TMEM67: variants seen among roughly 807,000 people sequenced by gnomAD.
The protein encoded by TMEM67 is meckelin.
In TMEM67, 124 loss-of-function variants were observed where a neutral mutation model predicts 136.6. The ratio of observed to expected loss-of-function variants is 0.91; its 90% CI spans 0.78 to 1.05. The LOEUF (loss-of-function observed/expected upper bound fraction) is 1.05, where lower values mean the gene tolerates loss of function less well. Ranked by LOEUF, TMEM67 falls within the 50% of genes least tolerant of loss-of-function variation. TMEM67 has a pLI of 0.00. For missense variants in TMEM67, 1,107 were observed against 1,178.4 expected (o/e 0.94, Z 0.89); for synonymous variants, 364 against 390.5 (o/e 0.93, Z 0.80).
the TMEM67 span, among the ~76,000 whole-genome samples, chr8:93,826,408 A>G: frequency 6.6e-6 from 1 of 152,004 alleles, no homozygotes; most frequent in African/African-American, 2.4e-5. Flanking sequence ...GGATTAGTTA[A>G]TCAGGCCTTG....
chr8:93,774,720 G>A (rs1333461401), intron 7 of TMEM67, among the ~76,000 whole-genome samples: 1 of 152,136 alleles, frequency 6.6e-6, no homozygotes, highest in African/African-American at 2.4e-5. Flanking sequence ...AGTATTCCAT[G>A]GTGTATAATA....
intron 3 of TMEM67, among the ~76,000 whole-genome samples, chr8:93,761,397 C>T (rs558744095): frequency 6.6e-6 from 1 of 152,328 alleles, no homozygotes; most frequent in South Asian, 2.1e-4. Context: ...TAAGTTGGTG[C>T]AACCTCTGTG....
chr8:93,819,298 C>T (rs896269002), downstream of TMEM67: 31 of 406,976 alleles, frequency 7.6e-5, no homozygotes, highest in Admixed American at 9.8e-5. Flanking sequence ...TCCTCAGCCA[C>T]CCCCAGCTCT....
chr8:93,760,091 C>T lies in TMEM67; in HGVS notation c.406+1515C>T, dbSNP rs528997550. ...TAAATATTAGAAAGATGCAACTCTTCTACCAGTCTGTATATTTTAAAGGAC... is the reference window on the plus strand; with the variant it reads ...TAAATATTAGAAAGATGCAACTCTTTTACCAGTCTGTATATTTTAAAGGAC... On this transcript the variant is annotated intron_variant, in intron 3 of 27. Coordinates refer to ENST00000453321, the MANE Select transcript of TMEM67 (RefSeq NM_153704.6). The T allele has an allele frequency of 4.8e-4, 398 of 827,152 alleles. 1 individual carries two copies. The African/African-American group carries it at 6.7e-3, about 14-fold the overall frequency. The allele number at this position is 827,152 out of a possible 1,614,324, so 51.2% of individuals were successfully genotyped here.
chr8:93,785,505 CAG>C, intron 12 of TMEM67, 127 bp downstream of exon 12: 1 of 907,660 alleles, frequency 1.1e-6, no homozygotes, highest in Non-Finnish European at 1.7e-6. Context: ...TGGTTCTATA[CAG>C]TGTGCCAAAA....
intron 21 of TMEM67, among the ~76,000 whole-genome samples, chr8:93,803,350 T>C (rs1160703260): frequency 6.6e-6 from 1 of 152,180 alleles, no homozygotes; most frequent in Non-Finnish European, 1.5e-5. Context: ...GTGTTTGTCA[T>C]AGCTTGTTTT....
chr8:93,826,408 A>T, the TMEM67 span, among the ~76,000 whole-genome samples: 23 of 152,004 alleles, frequency 1.5e-4, no homozygotes, highest in Non-Finnish European at 3.2e-4. Context: ...GGATTAGTTA[A>T]TCAGGCCTTG....
At chr8:93,760,658 T>C (rs1253215169) in intron 3 of TMEM67, among the ~76,000 whole-genome samples, 1 of 146,642 alleles carries the variant, frequency 6.8e-6, no homozygotes, top group South Asian at 2.1e-4. Flanking sequence ...CTGGGCAATA[T>C]AGAGAGACTC....
At chr8:93,816,164 T>C (rs569338282) in intron 27 of TMEM67, among the ~76,000 whole-genome samples, 2 of 152,344 alleles carry the variant, frequency 1.3e-5, no homozygotes, top group South Asian at 2.1e-4. Flanking sequence ...TATTAATTCA[T>C]AAGAATTTAC....
rs115640152 is a variant in TMEM67 at position 93,758,539 on chromosome 8, C to T, written c.369C>T (p.Ala123=). The change falls in exon 3 of 28, where the codon GCC becomes GCT. Residue 123 remains alanine, a synonymous_variant. Transcript: ENST00000453321. Reference sequence around the variant, plus strand: ...TTTCTTGCCCTAGTGACTTAACTGCCGAAGGAAAATGTCACTGTCCCATTG... The same window carrying T: ...TTTCTTGCCCTAGTGACTTAACTGCTGAAGGAAAATGTCACTGTCCCATTG... ...NCISCPSDLT[A]EGKCHCPIGH... The T allele has an allele frequency of 5.2e-4, 834 of 1,613,698 alleles. 2 individuals carry two copies. The highest frequency in any genetic ancestry group is 4.0e-3 in the Middle Eastern group (24 of 6,062).
chr8:93,765,230 A>G (rs1813028588), intron 4 of TMEM67, among the ~76,000 whole-genome samples, 176 bp from the exon 5 acceptor site: 1 of 152,202 alleles, frequency 6.6e-6, no homozygotes. Context: ...TATACTTTGT[A>G]ACACAGAATG....
chr8:93,821,046 G>A (rs1359171430), downstream of TMEM67, among the ~76,000 whole-genome samples: 2 of 152,040 alleles, frequency 1.3e-5, no homozygotes, highest in African/African-American at 4.8e-5. Context: ...ACAAGTCCAC[G>A]GGTGTGTGGA....
rs1812505162 is a variant in TMEM67, at chr8:93,755,062, GA to G, written c.149del (p.Asp50AlafsTer37). Reference sequence around the variant, plus strand: ...CCCTTTCCAGCAGCCGGAGAAGTGCGACAACAACCAGTACTTTGATATCTCC... The same window carrying G: ...CCCTTTCCAGCAGCCGGAGAAGTGCGCAACAACCAGTACTTTGATATCTCC... ...SFPFQQPEKC[D>X]NNQYFDISAL... On this transcript the variant is annotated frameshift_variant, in exon 1 of 28. Coordinates refer to ENST00000453321, the MANE Select transcript of TMEM67 (RefSeq NM_153704.6). LOFTEE classifies it high-confidence loss of function. 1 of 1,614,160 alleles carries G rather than the reference GA, an allele frequency of 6.2e-7. No homozygotes were observed. Among genetic ancestry groups the G allele is most frequent in the Non-Finnish European group, 8.5e-7 (1 of 1,180,046 alleles).
chr8:93,785,651 C>T lies in TMEM67; in HGVS notation c.1288+273C>T, dbSNP rs1196471069. The T allele has an allele frequency of 1.8e-5, 6 of 325,746 alleles. 1 individual carries two copies. Among genetic ancestry groups the T allele is most frequent in the South Asian group, 1.5e-4 (2 of 13,616 alleles). 20.2% of individuals were successfully genotyped at this position (325,746 alleles called of 1,614,324 possible). A position where few individuals can be genotyped will look rare whatever the true frequency, so the allele number is the denominator to read the frequency against. On this transcript the variant is annotated intron_variant, in intron 12 of 27. Coordinates refer to ENST00000453321, the MANE Select transcript of TMEM67 (RefSeq NM_153704.6). ...GTAGAACCGTAAATTGGGGCTTTTT[C>T]GTCAAGCTGTCCCGAATATGCTTTT... is the stretch of plus-strand genomic sequence containing the variant.
intron 20 of TMEM67, among the ~76,000 whole-genome samples, chr8:93,797,913 C>T (rs140650768): frequency 2.0e-4 from 31 of 152,248 alleles, no homozygotes; most frequent in African/African-American, 6.7e-4. Flanking sequence ...ACCCGGGAGG[C>T]GGAGGTTACA....
intron 6 of TMEM67, 75 bp downstream of exon 6, chr8:93,765,721 G>T: frequency 1.1e-6 from 1 of 949,532 alleles, no homozygotes; most frequent in African/African-American, 1.6e-5. Context: ...TTTCAGGCTA[G>T]AATGAGAAAC....
rs1345629526 is a variant in TMEM67, at chr8:93,795,514, G to A, written c.1773+7G>A. 6.2e-7 allele frequency: 1 copy of A among 1,608,352 alleles called. No homozygotes were observed. The highest frequency in any genetic ancestry group is 8.5e-7 in the Non-Finnish European group (1 of 1,174,894). On this transcript the variant is annotated splice_region_variant and intron_variant, in intron 17 of 27. Coordinates refer to ENST00000453321, the MANE Select transcript of TMEM67 (RefSeq NM_153704.6). ...CTGGCTTATTTTCTTCAAAGTGAGT[G>A]AGTTTCTGAATTTTCCCCAACTGCC...
chr8:93,824,160 A>G (rs755357590), downstream of TMEM67, among the ~76,000 whole-genome samples: 6 of 152,250 alleles, frequency 3.9e-5, no homozygotes, highest in Non-Finnish European at 8.8e-5. Context: ...AATGAATAAT[A>G]GAGCTCTTTT....
chr8:93,782,336 CTT>C, intron 10 of TMEM67, 57 bp from the exon 11 acceptor site: 1 of 1,370,160 alleles, frequency 7.3e-7, no homozygotes, highest in Non-Finnish European at 1.0e-6. Flanking sequence ...TTTGAGAACT[CTT>C]GAGTATAAGA....
Sources: allele counts gnomAD v4.1 joint callset (sites outside exome capture counted in the v4.1 genomes callset), GRCh38; gene constraint gnomAD v4.1.1; transcripts MANE v1.5; gene names NCBI Gene and HGNC (gene_info 2026-07-23, HGNC 2026-07-21).